The following MUSK variants were observed in gnomAD, a reference collection of about 807,000 sequenced individuals.
The protein encoded by MUSK is muscle associated receptor tyrosine kinase, also known as muscle, skeletal receptor tyrosine-protein kinase.
A neutral mutation model predicts 88.7 loss-of-function variants in MUSK; 55 were observed. The observed-to-expected ratio is 0.62, with a 90% CI of 0.50 to 0.78. MUSK has a LOEUF of 0.78. MUSK is among the 30% of genes least tolerant of loss of function. MUSK has a pLI of 0.00. For synonymous variants in MUSK, 387 were observed against 391.9 expected (o/e 0.99, Z 0.15); for missense variants, 1,015 against 1,074.3 (o/e 0.94, Z 0.77).
At chr9:110,690,827 A>T (rs1337819039) in intron 3 of MUSK, among the ~76,000 whole-genome samples, 1 of 123,222 alleles carries the variant, frequency 8.1e-6, no homozygotes, top group East Asian at 2.1e-4. Context: ...TATATATATA[A>T]ATATATATAA....
rs1033010035 is a variant in MUSK at position 110,806,161 on chromosome 9, G to A, written c.*5173G>A. Among the ~76,000 whole-genome samples the A allele has an allele frequency of 6.6e-6, 1 of 152,026 alleles. No individual in the cohort carries two copies. Among genetic ancestry groups the A allele is most frequent in the Non-Finnish European group, 1.5e-5 (1 of 67,966 alleles). On this transcript the variant is annotated 3_prime_UTR_variant, in exon 15 of 15. Transcript: ENST00000374448. ...ATTACCAGTGCAATTCTAACAAATA[G>A]GTTTGCATTTCTCTTTCTGAATTGA...
At chr9:110,760,034 T>A (rs61294007) in intron 7 of MUSK, among the ~76,000 whole-genome samples, 1,552 of 152,128 alleles carry the variant, frequency 0.01, 30 homozygotes, top group African/African-American at 0.036. Context: ...AGACTCCACC[T>A]CAAAAGAAAT....
At position 110,715,248 on chromosome 9, in the gene MUSK, A is replaced by T. The variant is rs10759461; in HGVS notation, c.628+17782A>T. 1.2e-4 allele frequency among the ~76,000 whole-genome samples: 18 copies of T among 149,346 alleles called. 1 individual carries two copies. Among genetic ancestry groups the T allele is most frequent in the African/African-American group, 4.6e-4 (18 of 39,246 alleles). On this transcript the variant is annotated intron_variant, in intron 5 of 14. Transcript: ENST00000374448. ...TTACCTCTAGTACTTCCCAGTTATG[A>T]GTTAGCTGCTATATTAATTAATTGC... is the stretch of plus-strand genomic sequence containing the variant.
intron 7 of MUSK, among the ~76,000 whole-genome samples, chr9:110,752,421 G>T (rs1357053635): frequency 1.3e-5 from 2 of 152,254 alleles, no homozygotes; most frequent in African/African-American, 4.8e-5. Flanking sequence ...TATGGTATCT[G>T]CTTTCTCCAT....
At chr9:110,788,073 A>C in intron 14 of MUSK, 1 of 486,864 alleles carries the variant, frequency 2.1e-6, no homozygotes, top group South Asian at 2.6e-5. Context: ...GCTGCCTCCT[A>C]TTTATAAAAA....
chr9:110,701,442 C>A (rs1286344043), intron 5 of MUSK, among the ~76,000 whole-genome samples: 1 of 151,974 alleles, frequency 6.6e-6, no homozygotes, highest in Admixed American at 6.6e-5. Flanking sequence ...ACCAAATACA[C>A]CTATAATTTC....
intron 3 of MUSK, among the ~76,000 whole-genome samples, chr9:110,694,315 G>A (rs2076399116): frequency 6.7e-6 from 1 of 149,760 alleles, no homozygotes; most frequent in African/African-American, 2.5e-5. Flanking sequence ...GAACCCGGGA[G>A]GCGGAACTTG....
intron 1 of MUSK, among the ~76,000 whole-genome samples, chr9:110,674,594 G>T (rs2076000874): frequency 6.6e-6 from 1 of 151,866 alleles, no homozygotes; most frequent in Non-Finnish European, 1.5e-5. Context: ...CAGAGATGAT[G>T]ATGATGATGA....
intron 6 of MUSK, among the ~76,000 whole-genome samples, chr9:110,744,200 C>A (rs1040296464): frequency 6.6e-6 from 1 of 152,170 alleles, no homozygotes; most frequent in Non-Finnish European, 1.5e-5. Flanking sequence ...ATCTCCTAAC[C>A]TCGTGATCTG....
chr9:110,673,871 A>G (rs1195123223), intron 1 of MUSK, among the ~76,000 whole-genome samples: 1 of 152,222 alleles, frequency 6.6e-6, no homozygotes, highest in African/African-American at 2.4e-5. Context: ...TTCCAGGACT[A>G]TTAACACATT....
intron 2 of MUSK, among the ~76,000 whole-genome samples, chr9:110,686,827 T>A (rs982484708): frequency 6.6e-6 from 1 of 152,188 alleles, no homozygotes; most frequent in African/African-American, 2.4e-5. Context: ...TGGTTTTATA[T>A]GCTTTTCTGA....
intron 13 of MUSK, among the ~76,000 whole-genome samples, chr9:110,786,191 G>A (rs149348343): frequency 2.2e-3 from 327 of 150,760 alleles, no homozygotes; most frequent in Middle Eastern, 0.014. Flanking sequence ...CACAACTGTA[G>A]TCCTAGCTAC....
At chr9:110,727,863 A>C (rs10121920) in intron 5 of MUSK, among the ~76,000 whole-genome samples, 2 of 152,170 alleles carry the variant, frequency 1.3e-5, no homozygotes, top group African/African-American at 4.8e-5. Context: ...TGCAGTTGAC[A>C]TATTACTAAC....
chr9:110,766,219 C>T (rs1025950375), intron 8 of MUSK, among the ~76,000 whole-genome samples: 1 of 152,126 alleles, frequency 6.6e-6, no homozygotes, highest in Non-Finnish European at 1.5e-5. Context: ...TAAGGTTTGC[C>T]TGAGGGAAGA....
At chr9:110,781,781 A>G (rs1484941825) in intron 11 of MUSK, among the ~76,000 whole-genome samples, 1 of 152,116 alleles carries the variant, frequency 6.6e-6, no homozygotes, top group African/African-American at 2.4e-5. Context: ...CGGGCGAGGG[A>G]GCTTTCTTGG....
At chr9:110,766,582 C>T (rs2077488585) in intron 8 of MUSK, among the ~76,000 whole-genome samples, 1 of 152,176 alleles carries the variant, frequency 6.6e-6, no homozygotes, top group African/African-American at 2.4e-5. Context: ...TATTATATCT[C>T]ATTCCAATGA....
At chr9:110,764,603 TTAGATAGATAGATAGATAGA>T (rs57464436) in intron 8 of MUSK, among the ~76,000 whole-genome samples, 1 of 149,006 alleles carries the variant, frequency 6.7e-6, no homozygotes, top group Admixed American at 6.7e-5. Flanking sequence ...GATAGATAGA[TTAGATAGATAGATAGATAGA>T]TAGATAGATA....
chr9:110,689,718 T>TAGTTATATATAAATATATAACTGTATATA (rs370720549), intron 3 of MUSK, among the ~76,000 whole-genome samples: 1 of 51,662 alleles, frequency 1.9e-5, no homozygotes, highest in African/African-American at 1.3e-4. Context: ...TAACTATATA[T>TAGTTATATATAAATATATAACTGTATATA]GTTATATATA....
chr9:110,804,824 C>A lies in MUSK; in HGVS notation c.*3836C>A, dbSNP rs933320204. On this transcript the variant is annotated 3_prime_UTR_variant, in exon 15 of 15. Transcript: ENST00000374448. ...AACCAGAGGTAATTAACATTAACAT[C>A]ATAATATTCTTCCAGGCTTTTTCAG... Among the ~76,000 whole-genome samples the A allele has an allele frequency of 6.6e-6, 1 of 151,564 alleles. No individual in the cohort carries two copies. Among genetic ancestry groups the A allele is most frequent in the African/African-American group, 2.4e-5 (1 of 41,314 alleles).
Sources: allele counts gnomAD v4.1 joint callset (sites outside exome capture counted in the v4.1 genomes callset), GRCh38; gene constraint gnomAD v4.1.1; transcripts MANE v1.5; gene names NCBI Gene and HGNC (gene_info 2026-07-23, HGNC 2026-07-21).